CNBD1: variants seen among roughly 807,000 people sequenced by gnomAD.
The protein encoded by CNBD1 is cyclic nucleotide-binding domain-containing protein 1.
In CNBD1, 71 loss-of-function variants were observed where a neutral mutation model predicts 54.4. That is an observed-to-expected ratio of 1.30 (90% CI 1.08 to 1.59). The LOEUF (loss-of-function observed/expected upper bound fraction) is 1.59, where lower values mean the gene tolerates loss of function less well. CNBD1 is among the 40% of genes most tolerant of loss of function. The pLI is 0.00. For synonymous variants in CNBD1, 182 were observed against 170.7 expected, an observed-to-expected ratio of 1.07 and a Z score of -0.51; for missense variants, 659 against 518.0, an observed-to-expected ratio of 1.27 and a Z score of -2.64.
chr8:87,275,213 C>A (rs982771310), intron 6 of CNBD1, among the ~76,000 whole-genome samples: 1 of 141,666 alleles, frequency 7.1e-6, no homozygotes, highest in Admixed American at 6.9e-5. Context: ...AGTGTGATGC[C>A]TCCAGCTTTG....
rs77708221 is a variant in CNBD1 at position 87,403,729 on chromosome 8, A to G, written c.214-24817A>G. ...TTACTACTACTACCGAGAACTAGAG[A>G]TCAGATATTTTCTAAGTAAATCAGT... On this transcript the variant is annotated intron_variant, in intron 2 of 7. Transcript: ENST00000521593. Among the ~76,000 whole-genome samples, 574 of 152,042 alleles carry G rather than the reference A, an allele frequency of 3.8e-3. 18 individuals are homozygous for G. The highest frequency in any genetic ancestry group is 0.026 in the East Asian group (134 of 5,148).
chr8:87,368,765 C>T (rs991239151), intron 10 of CNBD1, among the ~76,000 whole-genome samples: 12 of 152,004 alleles, frequency 7.9e-5, no homozygotes, highest in African/African-American at 2.2e-4. Flanking sequence ...TTTGTCTGTG[C>T]TTAGACAAAA....
At chr8:87,242,030 G>A (rs1256107340) in intron 6 of CNBD1, among the ~76,000 whole-genome samples, 1 of 152,044 alleles carries the variant, frequency 6.6e-6, no homozygotes, top group Admixed American at 6.6e-5. Context: ...TTGCCAGGGG[G>A]GTCAGACATT....
At chr8:87,132,793 ATG>A (rs1382535188) in intron 4 of CNBD1, among the ~76,000 whole-genome samples, 177 of 143,374 alleles carry the variant, frequency 1.2e-3, no homozygotes, top group African/African-American at 4.6e-3. Flanking sequence ...GCATATATAT[ATG>A]TGTATATATA....
At chr8:87,354,437 G>A (rs993224330) in intron 10 of CNBD1, among the ~76,000 whole-genome samples, 1 of 151,614 alleles carries the variant, frequency 6.6e-6, no homozygotes, top group Non-Finnish European at 1.5e-5. Flanking sequence ...TTAAGTTTTA[G>A]GGTACATGTG....
At chr8:87,119,639 G>A (rs1811850969) in intron 4 of CNBD1, among the ~76,000 whole-genome samples, 1 of 151,974 alleles carries the variant, frequency 6.6e-6, no homozygotes, top group Admixed American at 6.6e-5. Context: ...TGGTGAAGGT[G>A]GACATTGTTG....
chr8:87,025,768 G>A (rs768996520), intron 4 of CNBD1, among the ~76,000 whole-genome samples: 1 of 152,082 alleles, frequency 6.6e-6, no homozygotes, highest in Admixed American at 6.5e-5. Flanking sequence ...GTGAGACCAC[G>A]AACCCACCGG....
chr8:87,250,104 A>G lies in CNBD1; in HGVS notation c.771+12992A>G, dbSNP rs193125691. Among the ~76,000 whole-genome samples, 355 of 152,340 alleles carry G rather than the reference A, an allele frequency of 2.3e-3. 3 individuals are homozygous for G. Among genetic ancestry groups the G allele is most frequent in the Non-Finnish European group, 1.8e-3 (122 of 68,036 alleles). ...AAAGGGATTAATAACCAGAATTTAT[A>G]AGGAGCTCAAACAACTCAATAGCAA... is the stretch of plus-strand genomic sequence containing the variant. On this transcript the variant is annotated intron_variant, in intron 6 of 10. Transcript: ENST00000518476.
chr8:87,368,138 G>A (rs1357911532), intron 10 of CNBD1, among the ~76,000 whole-genome samples: 1 of 138,438 alleles, frequency 7.2e-6, no homozygotes, highest in Non-Finnish European at 1.6e-5. Flanking sequence ...CTCCATCCTG[G>A]GTGACAGAGC....
intron 10 of CNBD1, among the ~76,000 whole-genome samples, chr8:87,363,164 C>G (rs1444271374): frequency 6.6e-6 from 1 of 152,032 alleles, no homozygotes; most frequent in African/African-American, 2.4e-5. Flanking sequence ...TTATCCATGT[C>G]CCTGCAAAGG....
intron 4 of CNBD1, among the ~76,000 whole-genome samples, chr8:87,045,240 G>C (rs186152694): frequency 4.3e-4 from 65 of 152,164 alleles, no homozygotes; most frequent in Middle Eastern, 3.4e-3. Flanking sequence ...GAGTATACAG[G>C]GTCCAAACTT....
intron 4 of CNBD1, among the ~76,000 whole-genome samples, chr8:87,091,541 C>T (rs1320626371): frequency 1.3e-5 from 2 of 152,134 alleles, no homozygotes; most frequent in African/African-American, 4.8e-5. Context: ...CTTTTTAAGT[C>T]ATCTTGACTC....
Position 86,937,946 on chromosome 8 carries a change from T to C in CNBD1, c.273-1650T>C, listed in dbSNP as rs182988778. On this transcript the variant is annotated intron_variant, in intron 3 of 10. Coordinates refer to ENST00000518476, the MANE Select transcript of CNBD1 (RefSeq NM_173538.3). ...AGGCTGCAAATTTTCTGAACTTTTA[T>C]GCTCTGCTTCCCTTTTAAACATAAG... Among the ~76,000 whole-genome samples the C allele has an allele frequency of 1.8e-3, 272 of 152,372 alleles. 1 individual carries two copies. Among genetic ancestry groups the C allele is most frequent in the African/African-American group, 5.9e-3 (245 of 41,594 alleles).
chr8:86,979,686 C>T (rs1808428437), intron 4 of CNBD1, among the ~76,000 whole-genome samples: 1 of 152,034 alleles, frequency 6.6e-6, no homozygotes, highest in Non-Finnish European at 1.5e-5. Context: ...ATTAGCTGTT[C>T]AGTATAAAAA....
intron 4 of CNBD1, among the ~76,000 whole-genome samples, chr8:86,940,220 T>A (rs1365288926): frequency 2.2e-5 from 3 of 136,132 alleles, no homozygotes; most frequent in African/African-American, 8.1e-5. Context: ...AACCTCTGCT[T>A]CAATGGCGCA....
chr8:86,901,366 T>G (rs1415897490), intron 2 of CNBD1, among the ~76,000 whole-genome samples: 1 of 152,172 alleles, frequency 6.6e-6, no homozygotes, highest in African/African-American at 2.4e-5. Context: ...AATGAATATA[T>G]TCAACTTTTA....
intron 8 of CNBD1, among the ~76,000 whole-genome samples, chr8:87,341,456 G>A (rs867458860): frequency 5.9e-5 from 9 of 152,230 alleles, no homozygotes; most frequent in Admixed American, 2.0e-4. Context: ...GCTGTGCTGG[G>A]GGTAGAAACA....
intron 4 of CNBD1, among the ~76,000 whole-genome samples, chr8:86,997,986 A>T (rs1189389042): frequency 1.3e-5 from 2 of 152,158 alleles, no homozygotes; most frequent in Non-Finnish European, 2.9e-5. Flanking sequence ...GTGAGCCCAT[A>T]ATGTACTCGG....
chr8:87,366,386 A>G (rs1177907181), intron 10 of CNBD1, among the ~76,000 whole-genome samples: 2 of 152,038 alleles, frequency 1.3e-5, no homozygotes, highest in African/African-American at 4.8e-5. Context: ...ACTCTCAGCC[A>G]TCAGAGCCTG....
Sources: allele counts gnomAD v4.1 joint callset (sites outside exome capture counted in the v4.1 genomes callset), GRCh38; gene constraint gnomAD v4.1.1; transcripts MANE v1.5; gene names NCBI Gene and HGNC (gene_info 2026-07-23, HGNC 2026-07-21).